Variants in DGKI observed in about 807,000 individuals in gnomAD.
DGKI encodes diacylglycerol kinase iota.
A neutral mutation model predicts 147.5 loss-of-function variants in DGKI; 55 were observed. The ratio of observed to expected loss-of-function variants is 0.37; its 90% CI spans 0.30 to 0.47. DGKI has a LOEUF of 0.47. DGKI is among the 20% of genes least tolerant of loss of function. DGKI has a pLI of 1.00. For synonymous variants in DGKI, 469 were observed against 477.1 expected, an observed-to-expected ratio of 0.98 and a Z score of 0.22; for missense variants, 1,007 against 1,323.8, an observed-to-expected ratio of 0.76 and a Z score of 3.71.
At chr7:137,593,827 A>G (rs147985652) in intron 12 of DGKI, among the ~76,000 whole-genome samples, 1 of 152,338 alleles carries the variant, frequency 6.6e-6, no homozygotes, top group Admixed American at 6.5e-5. Context: ...TCAAAATTGT[A>G]CAAATGTGGC....
chr7:137,769,028 T>C (rs1796100214), intron 1 of DGKI, among the ~76,000 whole-genome samples: 1 of 152,140 alleles, frequency 6.6e-6, no homozygotes, highest in South Asian at 2.1e-4. Context: ...GAAAAAAAAG[T>C]CAATTTTGTC....
At chr7:137,574,655 C>T (rs1018601439) in intron 17 of DGKI, among the ~76,000 whole-genome samples, 1 of 152,062 alleles carries the variant, frequency 6.6e-6, no homozygotes, top group Non-Finnish European at 1.5e-5. Context: ...TTGCAATAAA[C>T]TGTGCAATTC....
At chr7:137,504,132 A>G (rs1816284463) in intron 21 of DGKI, among the ~76,000 whole-genome samples, 1 of 152,170 alleles carries the variant, frequency 6.6e-6, no homozygotes, top group Non-Finnish European at 1.5e-5. Context: ...TGAAAGTGAT[A>G]ATGGGATTTA....
At chr7:137,837,340 A>T (rs1404039908) in intron 1 of DGKI, among the ~76,000 whole-genome samples, 2 of 152,218 alleles carry the variant, frequency 1.3e-5, no homozygotes, top group African/African-American at 4.8e-5. Context: ...TCCTTCTCTG[A>T]GCTGCACTTA....
At chr7:137,540,593 G>C (rs1236162822) in intron 20 of DGKI, among the ~76,000 whole-genome samples, 1 of 151,834 alleles carries the variant, frequency 6.6e-6, no homozygotes, top group Non-Finnish European at 1.5e-5. Flanking sequence ...GGCTGAGGTG[G>C]GAAGATCACT....
In DGKI at chr7:137,846,694, AGCT is replaced by A; in HGVS notation, c.166_168del (p.Ser58del). 1.9e-6 allele frequency: 2 copies of A among 1,056,742 alleles called. No individual in the cohort carries two copies. The highest frequency in any genetic ancestry group is 2.3e-6 in the Non-Finnish European group (2 of 873,936). The allele number at this position is 1,056,742 out of a possible 1,614,324, so 65.5% of individuals were successfully genotyped here. A position where few individuals can be genotyped will look rare whatever the true frequency, so the allele number is the denominator to read the frequency against. On this transcript the variant is annotated inframe_deletion, in exon 1 of 33. Coordinates refer to ENST00000614521, the MANE Select transcript of DGKI (RefSeq NM_001321708.2). This position sits in a 1 kb window ranked among gnomAD's most constrained non-coding sequence, Gnocchi z 4.0. ...GCCCCTTTCTCCTCTCCCGCCGAGG[AGCT>A]GGGGTTCATGGCGCCCGCTCCGGCG...
intron 17 of DGKI, among the ~76,000 whole-genome samples, 156 bp from the exon 18 acceptor site, chr7:137,572,994 T>C (rs972922679): frequency 4.6e-5 from 7 of 152,186 alleles, no homozygotes; most frequent in African/African-American, 1.4e-4. Flanking sequence ...AAAAATATAT[T>C]CTGGTTATAG....
chr7:137,846,624 C>G lies in DGKI; in HGVS notation c.239G>C (p.Cys80Ser), dbSNP rs1173706854. 1.6e-5 allele frequency: 17 copies of G among 1,075,792 alleles called. No homozygotes were observed. Among genetic ancestry groups the G allele is most frequent in the Non-Finnish European group, 1.8e-5 (16 of 893,782 alleles). The allele number at this position is 1,075,792 out of a possible 1,614,324, so 66.6% of individuals were successfully genotyped here. A position where few individuals can be genotyped will look rare whatever the true frequency, so the allele number is the denominator to read the frequency against. The change falls in exon 1 of 33, where the codon TGC becomes TCC. Residue 80 changes from cysteine to serine, a missense_variant. Around this residue, in one of 5 missense-constraint regions of DGKI, gnomAD observed 137 missense variants for 114.4 expected, o/e 1.20. Coordinates refer to ENST00000614521, the MANE Select transcript of DGKI (RefSeq NM_001321708.2). This position sits in a 1 kb window ranked among gnomAD's most constrained non-coding sequence, Gnocchi z 4.0. Reference protein sequence around the residue: ...SSSGSGAGSCCLGAEGGADPR... With the variant: ...SSSGSGAGSCSLGAEGGADPR... ...GTCCGCGCCGCCCTCGGCGCCCAGG[C>G]AGCAGCTCCCGGCGCCGCTTCCGCT... is the stretch of plus-strand genomic sequence containing the variant.
At chr7:137,545,033 A>C (rs1050460751) in intron 20 of DGKI, among the ~76,000 whole-genome samples, 1 of 152,200 alleles carries the variant, frequency 6.6e-6, no homozygotes. Flanking sequence ...GAATTGTTAA[A>C]AACATGAACT....
intron 1 of DGKI, among the ~76,000 whole-genome samples, chr7:137,761,371 C>T (rs1019692775): frequency 3.9e-5 from 6 of 152,220 alleles, no homozygotes; most frequent in African/African-American, 7.2e-5. Context: ...TTTACCCTTT[C>T]TGCTGCCTCA....
At chr7:137,818,447 G>C (rs899821906) in intron 1 of DGKI, among the ~76,000 whole-genome samples, 1 of 152,092 alleles carries the variant, frequency 6.6e-6, no homozygotes, top group Non-Finnish European at 1.5e-5. Flanking sequence ...TGTTTCTTGA[G>C]ACGGAGTTTT....
intron 8 of DGKI, 23 bp from the exon 9 acceptor site, chr7:137,609,632 C>G (rs779070783): frequency 1.3e-6 from 2 of 1,596,816 alleles, no homozygotes; most frequent in Admixed American, 3.3e-5. Flanking sequence ...AGAGAAATGC[C>G]TGAGCTCAGA....
chr7:137,690,964 A>G (rs1405809342), intron 1 of DGKI, among the ~76,000 whole-genome samples: 1 of 152,220 alleles, frequency 6.6e-6, no homozygotes, highest in Non-Finnish European at 1.5e-5. Flanking sequence ...TCTAGAGCTT[A>G]AACATGAGCG....
chr7:137,449,925 A>G (rs778630348), intron 27 of DGKI, among the ~76,000 whole-genome samples: 19 of 152,224 alleles, frequency 1.2e-4, no homozygotes, highest in Non-Finnish European at 2.5e-4. Flanking sequence ...AATGTGGTAT[A>G]TATACACAAT....
intron 30 of DGKI, among the ~76,000 whole-genome samples, chr7:137,403,402 G>A (rs1284701680): frequency 6.6e-6 from 1 of 152,178 alleles, no homozygotes; most frequent in Non-Finnish European, 1.5e-5. Flanking sequence ...CTTTAAAAGA[G>A]CCCATAGAAG....
Position 137,390,510 on chromosome 7 carries a change from T to C in DGKI, c.*710A>G, listed in dbSNP as rs535466569. On this transcript the variant is annotated 3_prime_UTR_variant, in exon 33 of 33. Transcript: ENST00000614521. The stretch of plus-strand genomic sequence containing the variant: ...TGGGCTGACCCCTGGGTTACCTCTC[T>C]GAGGTACCTCCAAGCACAGACATCT... The C allele has an allele frequency of 6.5e-6, 1 of 153,194 alleles. No homozygotes were observed. Among genetic ancestry groups the C allele is most frequent in the Non-Finnish European group, 1.5e-5 (1 of 68,464 alleles). 9.5% of individuals were successfully genotyped at this position (153,194 alleles called of 1,614,324 possible).
Position 137,659,324 on chromosome 7 carries a change from G to T in DGKI, c.607-2784C>A, listed in dbSNP as rs200588536. Among the ~76,000 whole-genome samples the T allele has an allele frequency of 4.6e-5, 7 of 152,240 alleles. No individual in the cohort carries two copies. In the East Asian group the frequency reaches 1.4e-3, roughly 29 times the overall value. ...ATAGATTTTTAGTTCCTTAATTGAG[G>T]GAAACTGTTTTAGCAAATCGGAAAT... is the stretch of plus-strand genomic sequence containing the variant. On this transcript the variant is annotated intron_variant, in intron 3 of 32. Transcript: ENST00000614521.
chr7:137,409,368 C>T (rs937872872), intron 29 of DGKI, among the ~76,000 whole-genome samples: 1 of 152,080 alleles, frequency 6.6e-6, no homozygotes, highest in Admixed American at 6.6e-5. Flanking sequence ...TGCTCAAAGC[C>T]CTCACAGCCC....
intron 1 of DGKI, among the ~76,000 whole-genome samples, chr7:137,783,150 A>G (rs901108400): frequency 2.0e-5 from 3 of 152,238 alleles, no homozygotes; most frequent in Admixed American, 1.3e-4. Flanking sequence ...TGACAAAAAA[A>G]GAATTCAGAA....
Sources: gnomAD v4.1 joint callset for allele counts (sites outside exome capture counted in the v4.1 genomes callset) on GRCh38, gnomAD v4.1.1 for gene constraint, gnomAD v4.1.1 regional missense constraint, Gnocchi (gnomAD v3.1) non-coding constraint, MANE v1.5 for transcripts, NCBI Gene and HGNC (gene_info 2026-07-23, HGNC 2026-07-21) for gene names.